POLA1: variants seen among roughly 807,000 people sequenced by gnomAD.
POLA1 encodes DNA polymerase alpha 1, catalytic subunit.
POLA1 carries 15 observed loss-of-function variants against 124.0 expected under a neutral mutation model. The ratio of observed to expected loss-of-function variants is 0.12; its 90% confidence interval spans 0.08 to 0.19. The LOEUF (loss-of-function observed/expected upper bound fraction) is 0.19, where lower values mean the gene tolerates loss of function less well. Ranked by LOEUF, POLA1 falls within the 10% of genes least tolerant of loss-of-function variation. POLA1 has a pLI of 1.00. For synonymous variants in POLA1, 408 were observed against 389.4 expected (o/e 1.05, Z -0.56); for missense variants, 886 against 1,103.4 (o/e 0.80, Z 2.79).
rs1263288368 is a variant in POLA1, at chrX:24,723,093, G to T, written c.1088-62G>T. ...GACACATTCAGTGAGCCTCTATATT[G>T]TTCCTTTAATTAGGTGAAATTGAAA... On this transcript the variant is annotated intron_variant, in intron 10 of 36. Coordinates refer to ENST00000379068, the MANE Select transcript of POLA1 (RefSeq NM_001330360.2). 3.8e-6 allele frequency: 3 copies of T among 793,602 alleles called. No homozygotes were observed. The African/African-American group carries it at 6.1e-5, about 16-fold the overall frequency. 65.4% of individuals were successfully genotyped at this position (793,602 alleles called of 1,213,427 possible).
intron 36 of POLA1, among the ~76,000 whole-genome samples, chrX:24,988,326 A>G (rs1450985913): frequency 8.9e-6 from 1 of 112,419 alleles, no homozygotes; most frequent in African/African-American, 3.2e-5. Flanking sequence ...GGGCACTCTA[A>G]TCCGTCAGCC....
chrX:24,727,862 G>A lies in POLA1; in HGVS notation c.1612G>A (p.Val538Ile). Residue 538 changes from valine to isoleucine, a missense_variant, in exon 15 of 37, where the codon GTC becomes ATC. By Grantham distance (29) the Val-to-Ile change is conservative (BLOSUM62 3). This residue lies in a region of POLA1 where 337 missense variants were observed against 402.8 expected (regional missense o/e 0.84). Transcript: ENST00000379068. The stretch of plus-strand genomic sequence containing the variant: ...AGACCTGGTGAATGTAATTAAGGAT[G>A]TCAGTCCACCACCGCTTGTCGTGAT... ...KPDLVNVIKD[V>I]SPPPLVVMAF... 8.3e-7 allele frequency: 1 copy of A among 1,208,013 alleles called. No homozygotes were observed. The highest frequency in any genetic ancestry group is 3.0e-5 in the East Asian group (1 of 33,850).
intron 26 of POLA1, among the ~76,000 whole-genome samples, chrX:24,761,979 A>G (rs979110366): frequency 1.8e-5 from 2 of 112,210 alleles, no homozygotes; most frequent in Non-Finnish European, 3.8e-5. Context: ...ATCTTACTGA[A>G]ATGCCTGAGT....
At chrX:24,963,945 A>G (rs2048195418) in intron 36 of POLA1, among the ~76,000 whole-genome samples, 1 of 111,298 alleles carries the variant, frequency 9.0e-6, no homozygotes, top group African/African-American at 3.3e-5. Flanking sequence ...AATTTGAAGG[A>G]GTTTGTGCTG....
intron 4 of POLA1, among the ~76,000 whole-genome samples, chrX:24,711,144 G>A (rs184002181): frequency 2.7e-5 from 3 of 110,656 alleles, no homozygotes; most frequent in Non-Finnish European, 5.7e-5. Context: ...TGCCACGCTC[G>A]GCTAATTTTT....
chrX:24,848,882 A>G (rs988625583), intron 34 of POLA1, among the ~76,000 whole-genome samples: 3 of 112,468 alleles, frequency 2.7e-5, no homozygotes, highest in Non-Finnish European at 3.8e-5. Flanking sequence ...CAACAGAGCT[A>G]TCTTGTGCAG....
intron 26 of POLA1, among the ~76,000 whole-genome samples, chrX:24,802,772 T>C (rs1296996356): frequency 9.0e-6 from 1 of 111,721 alleles, no homozygotes; most frequent in African/African-American, 3.3e-5. Context: ...CCGAGGAAGG[T>C]GGCTCACCTG....
chrX:24,947,774 A>G (rs1377223837), intron 36 of POLA1, among the ~76,000 whole-genome samples: 1 of 112,483 alleles, frequency 8.9e-6, no homozygotes, highest in African/African-American at 3.2e-5. Flanking sequence ...AGCAGCATGC[A>G]GGCACACGTA....
chrX:24,712,623 G>A (rs912503838), intron 4 of POLA1, among the ~76,000 whole-genome samples: 4 of 111,054 alleles, frequency 3.6e-5, no homozygotes, highest in African/African-American at 1.3e-4. Context: ...ACCAATTCTG[G>A]TGTAATTGAA....
At chrX:24,823,414 T>C (rs2046120950) in intron 31 of POLA1, among the ~76,000 whole-genome samples, 1 of 109,289 alleles carries the variant, frequency 9.2e-6, no homozygotes, top group African/African-American at 3.3e-5. Context: ...TTTTTTTTTT[T>C]TTTTTGAGAT....
chrX:24,952,471 C>T (rs2048059372), intron 36 of POLA1, among the ~76,000 whole-genome samples: 1 of 111,215 alleles, frequency 9.0e-6, no homozygotes, highest in Non-Finnish European at 1.9e-5. Flanking sequence ...GGTAGTGTCT[C>T]GAATACATTT....
Position 24,724,305 on chromosome X carries a change from TCC to T in POLA1, c.1201-27_1201-26del, listed in dbSNP as rs746305875. ...TCATTTATGTACAGATACTTTTTTT[TCC>T]CCTCTGTCCCCTTCTCTGGGATAAC... On this transcript the variant is annotated intron_variant, in intron 11 of 36. Coordinates refer to ENST00000379068, the MANE Select transcript of POLA1 (RefSeq NM_001330360.2). 9.8e-6 allele frequency: 7 copies of T among 714,931 alleles called. No individual in the cohort carries two copies. The African/African-American group carries it at 1.5e-4, about 15-fold the overall frequency. 58.9% of individuals were successfully genotyped at this position (714,931 alleles called of 1,213,427 possible).
intron 34 of POLA1, among the ~76,000 whole-genome samples, chrX:24,879,753 C>T (rs2046979843): frequency 9.0e-6 from 1 of 111,635 alleles, no homozygotes; most frequent in South Asian, 3.7e-4. Flanking sequence ...TTTTTAGTTG[C>T]CCATACAGAA....
intron 35 of POLA1, among the ~76,000 whole-genome samples, chrX:24,911,660 A>G (rs1217754056): frequency 1.8e-5 from 2 of 111,441 alleles, no homozygotes; most frequent in East Asian, 5.6e-4. Context: ...CAATGAAACT[A>G]AAATCTGTAT....
At chrX:24,840,598 A>G (rs1034836151) in intron 32 of POLA1, among the ~76,000 whole-genome samples, 4 of 112,414 alleles carry the variant, frequency 3.6e-5, no homozygotes, top group Admixed American at 2.8e-4. Flanking sequence ...TTATCTACCT[A>G]TGTAGCTGTT....
At chrX:24,762,963 C>T (rs915517672) in intron 26 of POLA1, among the ~76,000 whole-genome samples, 1 of 111,093 alleles carries the variant, frequency 9.0e-6, no homozygotes, top group African/African-American at 3.3e-5. Context: ...GTCTAGAACT[C>T]CTAACCTCAA....
At chrX:24,885,770 C>T (rs985881070) in intron 34 of POLA1, among the ~76,000 whole-genome samples, 3 of 111,760 alleles carry the variant, frequency 2.7e-5, no homozygotes, top group Admixed American at 9.5e-5. Context: ...GTGATCTGCC[C>T]GCCTCGGCCT....
rs1023719129 is a variant in POLA1 at position 24,996,058 on chromosome X, C to T, written c.*108C>T. ...TCCAGCATCTGTTTCTCCCTTGGGA[C>T]TGTGTCTCATGTTTGTGTGAATGTA... is the stretch of plus-strand genomic sequence containing the variant. On this transcript the variant is annotated 3_prime_UTR_variant, in exon 37 of 37. Coordinates refer to ENST00000379068, the MANE Select transcript of POLA1 (RefSeq NM_001330360.2). 7 of 696,496 alleles carry T rather than the reference C, an allele frequency of 1.0e-5. No homozygotes were observed. The highest frequency in any genetic ancestry group is 1.5e-5 in the Non-Finnish European group (7 of 464,882). 57.4% of individuals were successfully genotyped at this position (696,496 alleles called of 1,213,427 possible).
intron 35 of POLA1, among the ~76,000 whole-genome samples, chrX:24,890,088 ATTTTT>A (rs72081141): frequency 1.3e-5 from 1 of 77,771 alleles, no homozygotes; most frequent in Non-Finnish European, 2.5e-5. Context: ...TTTCAGTACG[ATTTTT>A]TTTTTTTTTT....
Sources: gnomAD v4.1 joint callset for allele counts (sites outside exome capture counted in the v4.1 genomes callset) on GRCh38, gnomAD v4.1.1 for gene constraint, gnomAD v4.1.1 regional missense constraint, MANE v1.5 for transcripts, NCBI Gene and HGNC (gene_info 2026-07-23, HGNC 2026-07-21) for gene names.